The following SYT12 variants were observed in gnomAD, a reference collection of about 807,000 sequenced individuals.
The protein encoded by SYT12 is synaptotagmin 12.
In SYT12, 27 loss-of-function variants were observed where a neutral mutation model predicts 39.5. The ratio of observed to expected loss-of-function variants is 0.68; its 90% CI spans 0.50 to 0.94. The LOEUF (loss-of-function observed/expected upper bound fraction) is 0.94, where lower values mean the gene tolerates loss of function less well. Among genes scored for constraint, SYT12 ranks in the 40% least tolerant of loss-of-function variants. The pLI, the probability that SYT12 is intolerant of heterozygous loss-of-function variation, is 0.00. For synonymous variants in SYT12, 233 were observed against 239.7 expected (o/e 0.97, Z 0.26); for missense variants, 536 against 572.6 (o/e 0.94, Z 0.65).
Position 67,034,789 on chromosome 11 carries a change from G to GT in SYT12, c.179_180insT (p.Arg60SerfsTer42), listed in dbSNP as rs781097892. ...TCTCCGTTCCCCAATTACGACTACA[G>GT]GTACCTTCAGCAGAAGTACGGCGAG... On this transcript the variant is annotated frameshift_variant, in exon 3 of 8. Transcript: ENST00000527043. LOFTEE classifies it high-confidence loss of function. 1 of 1,594,120 alleles carries GT rather than the reference G, an allele frequency of 6.3e-7. No homozygotes were observed. The highest frequency in any genetic ancestry group is 8.5e-7 in the Non-Finnish European group (1 of 1,172,828).
chr11:67,026,126 G>A (rs1800795024), intron 1 of SYT12, among the ~76,000 whole-genome samples: 2 of 152,108 alleles, frequency 1.3e-5, no homozygotes, highest in South Asian at 4.1e-4. Flanking sequence ...TATGAGCAGG[G>A]ATGCTTCCAG....
chr11:67,039,692 T>C (rs918023437), intron 3 of SYT12, 119 bp from the exon 4 acceptor site: 7 of 1,268,282 alleles, frequency 5.5e-6, no homozygotes, highest in African/African-American at 4.5e-5. Context: ...GCAGGGCTTC[T>C]GTGAAAGGGG....
In SYT12 at chr11:67,045,821, C is replaced by G. The variant is rs758222211; in HGVS notation, c.1036C>G (p.Pro346Ala). 2 of 1,613,794 alleles carry G rather than the reference C, an allele frequency of 1.2e-6. No homozygotes were observed. The highest frequency in any genetic ancestry group is 1.7e-5 in the Admixed American group (1 of 59,964). ...KKKTAVKRDD[P>A]NPVFNEAMIF... is the part of the protein sequence containing the mutation. ...GAAGACAGCCGTGAAGAGGGATGAC[C>G]CCAACCCGGTGTTCAACGAAGCCAT... Residue 346 changes from proline to alanine, a missense_variant, in exon 7 of 8, where the codon CCC becomes GCC. By Grantham distance (27) the Pro-to-Ala change is conservative (BLOSUM62 -1). Transcript: ENST00000527043.
At chr11:67,018,853 C>G (rs540539926), upstream of SYT12, among the ~76,000 whole-genome samples, 5 of 151,880 alleles carry the variant, frequency 3.3e-5, no homozygotes, top group Admixed American at 3.3e-4. Context: ...AACAAAAGTG[C>G]AAAAGTGAAA....
Position 67,039,209 on chromosome 11 carries a change from AG to A in SYT12, c.229-600del, listed in dbSNP as rs1950448957. 1.3e-5 allele frequency among the ~76,000 whole-genome samples: 2 copies of A among 152,046 alleles called. 1 individual carries two copies. Among genetic ancestry groups the A allele is most frequent in the South Asian group, 4.1e-4 (2 of 4,824 alleles). On this transcript the variant is annotated intron_variant, in intron 3 of 7. Coordinates refer to ENST00000527043, the MANE Select transcript of SYT12 (RefSeq NM_177963.4). ...TCCCGGGTCCTCAGGAGGCTGAGGC[AG>A]GAGAATTGCTTGAACCTGGGAGGGG... is the stretch of plus-strand genomic sequence containing the variant.
At position 67,043,769 on chromosome 11, in the gene SYT12, G is replaced by C. The variant is rs79790963; in HGVS notation, c.753G>C (p.Thr251=). The C allele has an allele frequency of 1.2e-5, 20 of 1,614,110 alleles. No individual in the cohort carries two copies. The highest frequency in any genetic ancestry group is 1.7e-5 in the Non-Finnish European group (20 of 1,180,030). The change falls in exon 5 of 8, where the codon ACG becomes ACC. Residue 251 remains threonine, a synonymous_variant. Coordinates refer to ENST00000527043, the MANE Select transcript of SYT12 (RefSeq NM_177963.4). ...ATGAGGATGAGCGCAACGTCAGCAC[G>C]GGGGTGGTGGAGCTGAAGCTTTCTG... ...GIDEDERNVS[T]GVVELKLSVL...
rs1950036307 is a variant in SYT12, at chr11:67,014,313, C to A, written c.-69+3319C>A. 2.0e-5 allele frequency among the ~76,000 whole-genome samples: 3 copies of A among 152,184 alleles called. No individual in the cohort carries two copies. The South Asian group carries it at 6.2e-4, about 31-fold the overall frequency. ...GATCAGGGAGGGTGTCCCTTCACCT[C>A]CACATCCCATGGAAAGTGCTCATTG... is the stretch of plus-strand genomic sequence containing the variant. On this transcript the variant is annotated intron_variant, in intron 3 of 10. Transcript: ENST00000393946.
At chr11:67,014,196 A>G (rs1213233422) in intron 3 of SYT12, among the ~76,000 whole-genome samples, 1 of 152,216 alleles carries the variant, frequency 6.6e-6, no homozygotes, top group Non-Finnish European at 1.5e-5. Context: ...CGCAAGTGCT[A>G]GGTGTTAGGA....
chr11:67,009,811 A>C (rs552464228), intron 1 of SYT12: 1 of 153,180 alleles, frequency 6.5e-6, no homozygotes, highest in Non-Finnish European at 1.5e-5. Context: ...CATTTATGGA[A>C]GTCTTCATGG....
chr11:67,022,364 C>T (rs1288993558), upstream of SYT12, among the ~76,000 whole-genome samples: 1 of 152,170 alleles, frequency 6.6e-6, no homozygotes, highest in Non-Finnish European at 1.5e-5. Flanking sequence ...GGAGAGGTCT[C>T]CCCAGGTGTC....
intron 3 of SYT12, among the ~76,000 whole-genome samples, chr11:67,014,781 G>A (rs560677283): frequency 1.7e-4 from 26 of 152,244 alleles, no homozygotes; most frequent in Middle Eastern, 3.4e-3. Context: ...CTGGCTGTCC[G>A]TGGCCCACAA....
chr11:67,023,849 G>A (rs1408769128), intron 1 of SYT12, among the ~76,000 whole-genome samples: 1 of 152,196 alleles, frequency 6.6e-6, no homozygotes, highest in South Asian at 2.1e-4. Context: ...ATACACCCTG[G>A]AGGTTCCCGA....
At chr11:67,044,830 C>T in intron 6 of SYT12, 117 bp downstream of exon 6, 1 of 1,469,582 alleles carries the variant, frequency 6.8e-7, no homozygotes, top group South Asian at 1.3e-5. Context: ...GCCAAGGTCC[C>T]CCTCAGCTTT....
intron 7 of SYT12, among the ~76,000 whole-genome samples, chr11:67,046,386 T>C (rs1198035317): frequency 6.6e-6 from 1 of 152,212 alleles, no homozygotes. Context: ...GCTTGGGCCC[T>C]GCTTGCATGC....
Position 67,034,853 on chromosome 11 carries a change from C to A in SYT12, c.228+15C>A. Reference sequence around the variant, plus strand: ...CCAGGGAGAAGGTGAGGCTTCTGCTCCTGCAGGTGCACAGCGAGTGCAACC... The same window carrying A: ...CCAGGGAGAAGGTGAGGCTTCTGCTACTGCAGGTGCACAGCGAGTGCAACC... On this transcript the variant is annotated intron_variant, in intron 3 of 7. Transcript: ENST00000527043. The A allele has an allele frequency of 6.6e-7, 1 of 1,514,184 alleles. No individual in the cohort carries two copies. Among genetic ancestry groups the A allele is most frequent in the South Asian group, 1.3e-5 (1 of 75,466 alleles). The allele number at this position is 1,514,184 out of a possible 1,614,324, so 93.8% of individuals were successfully genotyped here. A position where few individuals can be genotyped will look rare whatever the true frequency, so the allele number is the denominator to read the frequency against.
chr11:67,023,031 C>CA (rs2136200711), upstream of SYT12: 1 of 152,398 alleles, frequency 6.6e-6, no homozygotes, highest in South Asian at 2.1e-4. Context: ...GCCTGCCTCT[C>CA]AGAGGCCTGT....
At position 67,034,821 on chromosome 11, in the gene SYT12, G is replaced by A. The variant is rs145380363; in HGVS notation, c.211G>A (p.Ala71Thr). The A allele has an allele frequency of 2.7e-5, 42 of 1,570,072 alleles. No individual in the cohort carries two copies. Among genetic ancestry groups the A allele is most frequent in the Middle Eastern group, 1.7e-4 (1 of 5,924 alleles). The part of the protein sequence containing the change: ...YLQQKYGESC[A>T]EAREKRVPAW... ...TCAGCAGAAGTACGGCGAGAGCTGC[G>A]CAGAGGCCAGGGAGAAGGTGAGGCT... Residue 71 changes from alanine to threonine, a missense_variant, in exon 3 of 8, where the codon GCA (alanine) becomes ACA (threonine). Transcript: ENST00000527043.
intron 1 of SYT12, among the ~76,000 whole-genome samples, chr11:67,024,422 C>T (rs1221943417): frequency 6.6e-6 from 1 of 152,212 alleles, no homozygotes; most frequent in Non-Finnish European, 1.5e-5. Context: ...GAAAGCTTTC[C>T]TAAGCAGCTC....
chr11:67,039,599 A>C (rs1346136574), intron 3 of SYT12, among the ~76,000 whole-genome samples: 1 of 152,224 alleles, frequency 6.6e-6, no homozygotes, highest in Non-Finnish European at 1.5e-5. Context: ...GGGCAACAAG[A>C]GCAAAACTCC....
Sources: gnomAD v4.1 joint callset for allele counts (sites outside exome capture counted in the v4.1 genomes callset) on GRCh38, gnomAD v4.1.1 for gene constraint, MANE v1.5 for transcripts, NCBI Gene and HGNC (gene_info 2026-07-23, HGNC 2026-07-21) for gene names.